CNBP: variants seen among roughly 807,000 people sequenced by gnomAD.
CNBP encodes CCHC-type zinc finger nucleic acid binding protein.
A neutral mutation model predicts 21.2 loss-of-function variants in CNBP; 6 were observed. The ratio of observed to expected loss-of-function variants is 0.28; its 90% CI spans 0.16 to 0.56. The LOEUF (loss-of-function observed/expected upper bound fraction) is 0.56. CNBP is among the 20% of genes least tolerant of loss of function. The pLI, the probability that CNBP is intolerant of heterozygous loss-of-function variation, is 0.93. For missense variants in CNBP, 112 were observed against 233.1 expected (o/e 0.48, Z 3.38); for synonymous variants, 61 against 74.9 (o/e 0.81, Z 0.96).
chr3:129,171,363 A>C, intron 3 of CNBP, 83 bp downstream of exon 3: 2 of 1,597,656 alleles, frequency 1.3e-6, no homozygotes, highest in Non-Finnish European at 1.7e-6. Flanking sequence ...CAAAACCTCA[A>C]AGGTGGAAAT....
At position 129,169,219 on chromosome 3, in the gene CNBP, G is replaced by T. The variant is rs1328867253; in HGVS notation, c.*1234C>A. 6.6e-6 allele frequency among the ~76,000 whole-genome samples: 1 copy of T among 152,184 alleles called. No individual in the cohort carries two copies. The highest frequency in any genetic ancestry group is 2.4e-5 in the African/African-American group (1 of 41,540). ...TGAGGCAGGAGAATTGCTTGAACCC[G>T]GGAGGTGGAGGTTGCAGTGAGCCAA... On this transcript the variant is annotated 3_prime_UTR_variant, in exon 5 of 5. Coordinates refer to ENST00000422453, the MANE Select transcript of CNBP (RefSeq NM_003418.5).
rs530645255 is a variant in CNBP, at chr3:129,179,263, G to A, written c.-15+4513C>T. Among the ~76,000 whole-genome samples the A allele has an allele frequency of 1.3e-4, 19 of 151,670 alleles. No homozygotes were observed. The South Asian group carries it at 2.9e-3, about 23-fold the overall frequency. Reference sequence around the variant, plus strand: ...TCGCACTCCAGCCTGGGCAACAAGAGCGAAACTCCACCTCAAAGGAAAAAA... The same window carrying A: ...TCGCACTCCAGCCTGGGCAACAAGAACGAAACTCCACCTCAAAGGAAAAAA... On this transcript the variant is annotated intron_variant, in intron 1 of 4. Transcript: ENST00000422453.
In CNBP at chr3:129,168,536, G is replaced by A. The variant is rs1392792150; in HGVS notation, c.*1917C>T. Reference sequence around the variant, plus strand: ...TACTTGAACGGGGTGTGGGGGTGGGGGGTGGAGGTTGCAGTGAGCTGAGAT... The same window carrying A: ...TACTTGAACGGGGTGTGGGGGTGGGAGGTGGAGGTTGCAGTGAGCTGAGAT... On this transcript the variant is annotated 3_prime_UTR_variant, in exon 5 of 5. Transcript: ENST00000422453. Among the ~76,000 whole-genome samples the A allele has an allele frequency of 2.0e-5, 3 of 148,224 alleles. No homozygotes were observed. The highest frequency in any genetic ancestry group is 2.0e-4 in the East Asian group (1 of 5,068).
At chr3:129,177,706 G>A (rs559373493) in intron 1 of CNBP, among the ~76,000 whole-genome samples, 54 of 152,208 alleles carry the variant, frequency 3.5e-4, no homozygotes, top group Non-Finnish European at 5.0e-4. Flanking sequence ...GAGAAACACC[G>A]GTGATTTCCA....
chr3:129,167,959 G>C lies in CNBP; in HGVS notation c.*2494C>G, dbSNP rs1434234976. 6.6e-6 allele frequency among the ~76,000 whole-genome samples: 1 copy of C among 152,098 alleles called. No homozygotes were observed. The highest frequency in any genetic ancestry group is 1.5e-5 in the Non-Finnish European group (1 of 68,022). On this transcript the variant is annotated 3_prime_UTR_variant, in exon 5 of 5. Transcript: ENST00000422453. Reference sequence around the variant, plus strand: ...ATGTTATTACCTCTTTTTCTTGCTTGCTCAGGACTATTAATTTGACAAGGT... The same window carrying C: ...ATGTTATTACCTCTTTTTCTTGCTTCCTCAGGACTATTAATTTGACAAGGT...
intron 1 of CNBP, among the ~76,000 whole-genome samples, chr3:129,176,249 G>A (rs916580300): frequency 1.3e-5 from 2 of 152,064 alleles, no homozygotes; most frequent in Non-Finnish European, 2.9e-5. Context: ...GGTCTCCCCT[G>A]CTCCTTTTCC....
At chr3:129,179,804 G>A (rs1938164723) in intron 1 of CNBP, among the ~76,000 whole-genome samples, 1 of 152,296 alleles carries the variant, frequency 6.6e-6, no homozygotes, top group African/African-American at 2.4e-5. Flanking sequence ...TTGCACTCCA[G>A]TGTGGGTGAC....
At position 129,171,786 on chromosome 3, in the gene CNBP, A is replaced by C. The variant is rs1937573541; in HGVS notation, c.-14-15T>G. ...TGCAGTCAGATCTTTGAAATATTAAAAGTAACAGCATTAAACCACTGAAAG... is the reference window on the plus strand; with the variant it reads ...TGCAGTCAGATCTTTGAAATATTAACAGTAACAGCATTAAACCACTGAAAG... On this transcript the variant is annotated splice_polypyrimidine_tract_variant and intron_variant, in intron 1 of 4. Coordinates refer to ENST00000422453, the MANE Select transcript of CNBP (RefSeq NM_003418.5). The C allele has an allele frequency of 6.2e-7, 1 of 1,606,166 alleles. No homozygotes were observed.
intron 1 of CNBP, among the ~76,000 whole-genome samples, chr3:129,174,379 T>C (rs1469311548): frequency 2.9e-5 from 2 of 69,568 alleles, no homozygotes; most frequent in Admixed American, 1.7e-4. Flanking sequence ...AAAAAACGAA[T>C]GGCGGGCAGG....
At chr3:129,181,285 A>G (rs1938274089) in intron 1 of CNBP, among the ~76,000 whole-genome samples, 1 of 149,720 alleles carries the variant, frequency 6.7e-6, no homozygotes, top group African/African-American at 2.5e-5. Context: ...GAATTGTCAT[A>G]AATCATGTAA....
chr3:129,172,660 A>G lies in CNBP; in HGVS notation c.-14-889T>C, dbSNP rs9985435. Among the ~76,000 whole-genome samples the G allele has an allele frequency of 7.1e-3, 798 of 112,684 alleles. 15 individuals carry two copies. Among genetic ancestry groups the G allele is most frequent in the Middle Eastern group, 0.028 (7 of 248 alleles). 73.9% of individuals were successfully genotyped at this position (112,684 alleles called of 152,430 possible). A position where few individuals can be genotyped will look rare whatever the true frequency, so the allele number is the denominator to read the frequency against. On this transcript the variant is annotated intron_variant, in intron 1 of 4. Coordinates refer to ENST00000422453, the MANE Select transcript of CNBP (RefSeq NM_003418.5). ...GGCAGGCAGGCAGGCAGGCAGGCAG[A>G]CAGACAGACAGACAGACAGACAGAC...
intron 1 of CNBP, among the ~76,000 whole-genome samples, chr3:129,172,616 A>C (rs56098180): frequency 0.051 from 2,531 of 49,192 alleles, 113 homozygotes; most frequent in African/African-American, 0.11. Flanking sequence ...AGACAGGCAG[A>C]CAGGCAGCCA....
At position 129,168,447 on chromosome 3, in the gene CNBP, A is replaced by T. The variant is rs1227101617; in HGVS notation, c.*2006T>A. ...CCCATCTCTACTAAAAATAACAAAA[A>T]TTAGCTGGGTGTGGTGGCGGACACC... On this transcript the variant is annotated 3_prime_UTR_variant, in exon 5 of 5. Transcript: ENST00000422453. 7.2e-6 allele frequency among the ~76,000 whole-genome samples: 1 copy of T among 138,170 alleles called. No homozygotes were observed. The highest frequency in any genetic ancestry group is 1.5e-5 in the Non-Finnish European group (1 of 65,346). The allele number at this position is 138,170 out of a possible 152,430, so 90.6% of individuals were successfully genotyped here. A position where few individuals can be genotyped will look rare whatever the true frequency, so the allele number is the denominator to read the frequency against.
Position 129,169,521 on chromosome 3 carries a change from T to A in CNBP, c.*932A>T, listed in dbSNP as rs530157240. 4.9e-6 allele frequency: 1 copy of A among 202,940 alleles called. No homozygotes were observed. The highest frequency in any genetic ancestry group is 1.0e-5 in the Non-Finnish European group (1 of 98,612). The allele number at this position is 202,940 out of a possible 1,614,324, so 12.6% of individuals were successfully genotyped here. On this transcript the variant is annotated 3_prime_UTR_variant, in exon 5 of 5. Transcript: ENST00000422453. ...ACATTCCCCTCTTTAATATGGTATTTTGCACTATATACATTAATGAAAATT... is the reference window on the plus strand; with the variant it reads ...ACATTCCCCTCTTTAATATGGTATTATGCACTATATACATTAATGAAAATT...
At chr3:129,172,663 G>GGC (rs1937622168) in intron 1 of CNBP, among the ~76,000 whole-genome samples, 22 of 113,066 alleles carry the variant, frequency 1.9e-4, no homozygotes, top group African/African-American at 6.6e-4. Context: ...CAGGCAGACA[G>GGC]ACAGACAGAC....
rs767316332 is a variant in CNBP at position 129,170,384 on chromosome 3, A to C, written c.*69T>G. On this transcript the variant is annotated 3_prime_UTR_variant, in exon 5 of 5. Coordinates refer to ENST00000422453, the MANE Select transcript of CNBP (RefSeq NM_003418.5). ...TGCCTCTATCTGCCAACCTTTGGCC[A>C]GTGAAGAGGATTCAGAGAAAATAAT... The C allele has an allele frequency of 9.7e-6, 13 of 1,343,874 alleles. No homozygotes were observed. The highest frequency in any genetic ancestry group is 1.3e-5 in the Non-Finnish European group (12 of 934,794). The allele number at this position is 1,343,874 out of a possible 1,614,324, so 83.2% of individuals were successfully genotyped here.
At chr3:129,178,336 T>C (rs1190030132) in intron 1 of CNBP, among the ~76,000 whole-genome samples, 1 of 152,158 alleles carries the variant, frequency 6.6e-6, no homozygotes, top group African/African-American at 2.4e-5. Context: ...ACTTGTACCA[T>C]ACTATTGATA....
At chr3:129,171,905 CAT>C in intron 1 of CNBP, 134 bp from the exon 2 acceptor site, 1 of 989,804 alleles carries the variant, frequency 1.0e-6, no homozygotes, top group Non-Finnish European at 1.5e-6. Flanking sequence ...AATAGCTGGG[CAT>C]GGTGGCTCAC....
chr3:129,174,359 A>AC (rs1553787730), intron 1 of CNBP, among the ~76,000 whole-genome samples: 1 of 147,552 alleles, frequency 6.8e-6, no homozygotes, highest in Non-Finnish European at 1.5e-5. Flanking sequence ...TAAAAAAAAA[A>AC]AAAAAAAAAA....
Sources: gnomAD v4.1 joint callset for allele counts (sites outside exome capture counted in the v4.1 genomes callset) on GRCh38, gnomAD v4.1.1 for gene constraint, MANE v1.5 for transcripts, NCBI Gene and HGNC (gene_info 2026-07-23, HGNC 2026-07-21) for gene names.